Variants in ZNF25 observed in about 807,000 individuals in gnomAD.
ZNF25 encodes zinc finger protein 25 (KOX 19).
In ZNF25, 21 loss-of-function variants were observed where a neutral mutation model predicts 30.9. The ratio of observed to expected loss-of-function variants is 0.68; its 90% CI spans 0.48 to 0.98. The LOEUF is 0.98. Among genes scored for constraint, ZNF25 ranks in the 50% least tolerant of loss-of-function variants. ZNF25 has a pLI of 0.00. For synonymous variants in ZNF25, 169 were observed against 181.3 expected, an observed-to-expected ratio of 0.93 and a Z score of 0.55; for missense variants, 501 against 529.9, an observed-to-expected ratio of 0.95 and a Z score of 0.54.
At chr10:37,956,126 T>C (rs1303517937) in intron 4 of ZNF25, among the ~76,000 whole-genome samples, 2 of 152,180 alleles carry the variant, frequency 1.3e-5, no homozygotes, top group Non-Finnish European at 2.9e-5. Context: ...CAGGATGAGA[T>C]TGTCTTAGTG....
At chr10:37,974,985 TTA>T (rs766930012) in intron 1 of ZNF25, among the ~76,000 whole-genome samples, 4 of 152,152 alleles carry the variant, frequency 2.6e-5, no homozygotes, top group Non-Finnish European at 5.9e-5. Flanking sequence ...CTGGAGGGCA[TTA>T]TGTTACATGA....
intron 3 of ZNF25, 135 bp downstream of exon 3, chr10:37,957,285 A>AC: frequency 7.4e-7 from 1 of 1,352,636 alleles, no homozygotes; most frequent in South Asian, 1.4e-5. Context: ...TAGTACCCAA[A>AC]ATGGATTTAT....
chr10:37,960,352 C>T lies in ZNF25; in HGVS notation c.16-2806G>A, dbSNP rs543890185. On this transcript the variant is annotated intron_variant, in intron 2 of 5. Coordinates refer to ENST00000302609, the MANE Select transcript of ZNF25 (RefSeq NM_145011.4). ...TGTGGGGGCCGGGTGTGGTGGCTCA[C>T]GCCTGTAATCCCAGCACTTCGGGAG... Among the ~76,000 whole-genome samples the T allele has an allele frequency of 2.6e-3, 396 of 151,648 alleles. 1 individual carries two copies. The highest frequency in any genetic ancestry group is 8.6e-3 in the African/African-American group (356 of 41,342).
intron 1 of ZNF25, 98 bp downstream of exon 1, chr10:37,976,408 G>C (rs2063819613): frequency 6.6e-6 from 1 of 152,270 alleles, no homozygotes; most frequent in Non-Finnish European, 1.5e-5. Context: ...CTCCCACCCA[G>C]GGCCCTCCGC....
chr10:37,963,794 G>C (rs1040470261), intron 2 of ZNF25, among the ~76,000 whole-genome samples: 2 of 152,124 alleles, frequency 1.3e-5, no homozygotes, highest in African/African-American at 4.8e-5. Flanking sequence ...GGCCAACATG[G>C]CGAAACCCTG....
rs1052051362 is a variant in ZNF25, at chr10:37,960,697, C to G, written c.16-3151G>C. On this transcript the variant is annotated intron_variant, in intron 2 of 5. Transcript: ENST00000302609. The stretch of plus-strand genomic sequence containing the variant: ...CGAGATAATGGCAGGAGACTAGGCC[C>G]AGACCATGGAGCCTGAGAGAACTTC... Among the ~76,000 whole-genome samples, 10 of 151,050 alleles carry G rather than the reference C, an allele frequency of 6.6e-5. No homozygotes were observed. The Middle Eastern group carries it at 0.01, about 156-fold the overall frequency.
rs369327931 is a variant in ZNF25, at chr10:37,968,216, CCTAA to C, written c.15+3488_15+3491del. On this transcript the variant is annotated intron_variant, in intron 2 of 5. Transcript: ENST00000302609. ...GTGACTACAGGCACATGCCATCATG[CCTAA>C]CTGATTTTTGTATTTTTAACAGACA... Among the ~76,000 whole-genome samples the C allele has an allele frequency of 9.8e-3, 1,485 of 152,124 alleles. 8 individuals are homozygous for C. Among genetic ancestry groups the C allele is most frequent in the Middle Eastern group, 0.02 (6 of 294 alleles).
chr10:37,966,417 T>TA (rs35782288), intron 2 of ZNF25, among the ~76,000 whole-genome samples: 10,503 of 135,534 alleles, frequency 0.077, 417 homozygotes, highest in Middle Eastern at 0.11. Flanking sequence ...CCATCTCAAT[T>TA]AAAAAAAAAA....
rs1307400396 is a variant in ZNF25, at chr10:37,952,744, G to T, written c.754C>A (p.His252Asn). ...KAYLMVHQKT[H>N]TGEKPYECKE... Reference sequence around the variant, plus strand: ...CACTCATAGGGTTTCTCCCCTGTGTGTGTTTTCTGATGTACCATGAGGTAT... The same window carrying T: ...CACTCATAGGGTTTCTCCCCTGTGTTTGTTTTCTGATGTACCATGAGGTAT... The change falls in exon 6 of 6, where the codon CAC becomes AAC. Residue 252 changes from histidine (H) to asparagine (N), a missense_variant. Physicochemically the swap from His to Asn is moderately conservative, Grantham distance 68 (BLOSUM62 1). Transcript: ENST00000302609. 1 of 1,614,030 alleles carries T rather than the reference G, an allele frequency of 6.2e-7. No homozygotes were observed. The highest frequency in any genetic ancestry group is 2.2e-5 in the East Asian group (1 of 44,854).
intron 4 of ZNF25, among the ~76,000 whole-genome samples, chr10:37,954,002 T>C (rs1030368078): frequency 6.6e-6 from 1 of 152,094 alleles, no homozygotes; most frequent in Non-Finnish European, 1.5e-5. Flanking sequence ...CCATAAGAGT[T>C]TGGAGGTGAA....
rs2062078449 is a variant in ZNF25, at chr10:37,950,327, T to C, written c.*1800A>G. 6.6e-6 allele frequency: 1 copy of C among 152,468 alleles called. No individual in the cohort carries two copies. The highest frequency in any genetic ancestry group is 1.5e-5 in the Non-Finnish European group (1 of 68,044). 9.4% of individuals were successfully genotyped at this position (152,468 alleles called of 1,614,324 possible). A position where few individuals can be genotyped will look rare whatever the true frequency, so the allele number is the denominator to read the frequency against. On this transcript the variant is annotated 3_prime_UTR_variant, in exon 6 of 6. Coordinates refer to ENST00000302609, the MANE Select transcript of ZNF25 (RefSeq NM_145011.4). ...AAATTTGAATATCATATAATTTTCA[T>C]GTGTCACAATATTCTTTGATTCTTT...
At chr10:37,953,265 G>T in intron 5 of ZNF25, 70 bp from the exon 6 acceptor site, 1 of 1,436,514 alleles carries the variant, frequency 7.0e-7, no homozygotes. Context: ...TGCTCCACTG[G>T]GCGTATTTTC....
chr10:37,961,641 G>T lies in ZNF25; in HGVS notation c.16-4095C>A, dbSNP rs563251111. On this transcript the variant is annotated intron_variant, in intron 2 of 5. Transcript: ENST00000302609. ...CAAATCAGATATAAAAGCTAATAGGGCCAGGTGTGGTGGCTCATGCCTGTA... is the reference window on the plus strand; with the variant it reads ...CAAATCAGATATAAAAGCTAATAGGTCCAGGTGTGGTGGCTCATGCCTGTA... 7.3e-4 allele frequency among the ~76,000 whole-genome samples: 111 copies of T among 152,280 alleles called. No homozygotes were observed. The South Asian group carries it at 9.1e-3, about 13-fold the overall frequency.
At chr10:37,954,753 TCAG>T (rs1564758234) in intron 4 of ZNF25, among the ~76,000 whole-genome samples, 2 of 152,198 alleles carry the variant, frequency 1.3e-5, no homozygotes, top group African/African-American at 4.8e-5. Flanking sequence ...TGAAAGATTA[TCAG>T]CAGATGCTTG....
chr10:37,969,296 T>C (rs1455735972), intron 2 of ZNF25, among the ~76,000 whole-genome samples: 1 of 152,096 alleles, frequency 6.6e-6, no homozygotes, highest in Non-Finnish European at 1.5e-5. Flanking sequence ...TAATTGAAAA[T>C]AGGTATCAAA....
At chr10:37,970,549 C>A (rs562416589) in intron 2 of ZNF25, among the ~76,000 whole-genome samples, 2 of 152,220 alleles carry the variant, frequency 1.3e-5, no homozygotes, top group South Asian at 2.1e-4. Flanking sequence ...TTCTTTCCCC[C>A]CTAAGGTCAG....
intron 1 of ZNF25, among the ~76,000 whole-genome samples, 172 bp downstream of exon 1, chr10:37,976,334 G>A (rs936396295): frequency 1.3e-5 from 2 of 152,176 alleles, no homozygotes; most frequent in South Asian, 4.1e-4. Flanking sequence ...CCCTCAAGCA[G>A]GTCGCGCAAA....
intron 4 of ZNF25, among the ~76,000 whole-genome samples, chr10:37,954,034 C>A (rs567617803): frequency 1.3e-5 from 2 of 152,030 alleles, no homozygotes; most frequent in African/African-American, 4.8e-5. Context: ...AAAAAAGAAC[C>A]GGGAGAGGAG....
At chr10:37,967,483 T>A (rs895505650) in intron 2 of ZNF25, among the ~76,000 whole-genome samples, 1 of 151,926 alleles carries the variant, frequency 6.6e-6, no homozygotes, top group Admixed American at 6.6e-5. Context: ...AGTCATGGCT[T>A]ACTGCAGCCT....
Sources: allele counts gnomAD v4.1 joint callset (sites outside exome capture counted in the v4.1 genomes callset), GRCh38; gene constraint gnomAD v4.1.1; transcripts MANE v1.5; gene names NCBI Gene and HGNC (gene_info 2026-07-23, HGNC 2026-07-21).